FAM120A: variants seen among roughly 807,000 people sequenced by gnomAD.
FAM120A encodes family with sequence similarity 120 member A, also known as constitutive coactivator of PPAR-gamma-like protein 1.
In FAM120A, 15 loss-of-function variants were observed where a neutral mutation model predicts 109.7. The ratio of observed to expected loss-of-function variants is 0.14; its 90% CI spans 0.09 to 0.21. The LOEUF (loss-of-function observed/expected upper bound fraction) is 0.21. FAM120A is among the 10% of genes least tolerant of loss of function. FAM120A has a pLI of 1.00. For missense variants in FAM120A, 899 were observed against 1,439.3 expected, an observed-to-expected ratio of 0.62 and a Z score of 6.07; for synonymous variants, 493 against 572.8, an observed-to-expected ratio of 0.86 and a Z score of 1.99.
chr9:93,484,635 A>G (rs369963910), intron 3 of FAM120A, among the ~76,000 whole-genome samples: 1 of 152,028 alleles, frequency 6.6e-6, no homozygotes, highest in African/African-American at 2.4e-5. Flanking sequence ...GTGCAGTGGC[A>G]TGATCTTGGC....
chr9:93,551,060 T>C (rs955534783), intron 12 of FAM120A, among the ~76,000 whole-genome samples: 4 of 152,198 alleles, frequency 2.6e-5, no homozygotes, highest in South Asian at 2.1e-4. Context: ...TTTTCTAACA[T>C]CTAGCAAGGA....
Position 93,558,667 on chromosome 9 carries a change from T to A in FAM120A, c.2755T>A (p.Cys919Ser), listed in dbSNP as rs767908512. Residue 919 changes from cysteine to serine, a missense_variant, in exon 15 of 18, where the codon TGC becomes AGC. Cys to Ser is a moderately radical substitution (Grantham distance 112). Coordinates refer to ENST00000277165, the MANE Select transcript of FAM120A (RefSeq NM_014612.5). ...CCGTGTGGCGGCAGCATCGGGACAC[T>A]GCGGAGCCTTCTCAGGCAGTGACAG... The part of the protein sequence containing the change: ...AFRVAAASGH[C>S]GAFSGSDSSR... 1 of 1,614,148 alleles carries A rather than the reference T, an allele frequency of 6.2e-7. No homozygotes were observed. Among genetic ancestry groups the A allele is most frequent in the Admixed American group, 1.7e-5 (1 of 60,032 alleles).
intron 9 of FAM120A, among the ~76,000 whole-genome samples, chr9:93,531,836 A>G (rs530201033): frequency 1.3e-5 from 2 of 152,168 alleles, no homozygotes; most frequent in African/African-American, 4.8e-5. Context: ...AGTCTTTTCT[A>G]TTCTGTTTCT....
At chr9:93,517,631 T>C (rs1177645006) in intron 7 of FAM120A, among the ~76,000 whole-genome samples, 1 of 152,198 alleles carries the variant, frequency 6.6e-6, no homozygotes, top group Non-Finnish European at 1.5e-5. Context: ...CTGTGAAACA[T>C]AGGTAAGAAG....
At position 93,452,484 on chromosome 9, in the gene FAM120A, G is replaced by T; in HGVS notation, c.474+95G>T. 6.5e-7 allele frequency: 1 copy of T among 1,543,576 alleles called. No individual in the cohort carries two copies. Among genetic ancestry groups the T allele is most frequent in the Non-Finnish European group, 8.7e-7 (1 of 1,149,106 alleles). On this transcript the variant is annotated intron_variant, in intron 1 of 17. Transcript: ENST00000277165. This position sits in a 1 kb window ranked among gnomAD's most constrained non-coding sequence, Gnocchi z 7.0. ...CAGAATGTCGCCCGGCCGTGGCGGC[G>T]CTGGGGGCAGCGAGTTCCCCCAGCC... is the stretch of plus-strand genomic sequence containing the variant.
Position 93,512,831 on chromosome 9 carries a change from G to A in FAM120A, c.1031-2836G>A, listed in dbSNP as rs367620987. Among the ~76,000 whole-genome samples the A allele has an allele frequency of 6.0e-4, 92 of 152,124 alleles. 1 individual carries two copies. Among genetic ancestry groups the A allele is most frequent in the African/African-American group, 1.5e-3 (64 of 41,532 alleles). On this transcript the variant is annotated intron_variant, in intron 5 of 17. Transcript: ENST00000277165. ...ATTGGACTGCTTTAATAGAATAGTG[G>A]CTTGCTCTGTGGATTCACAGAGGAT... is the stretch of plus-strand genomic sequence containing the variant.
intron 1 of FAM120A, among the ~76,000 whole-genome samples, chr9:93,467,592 C>G (rs549769091): frequency 6.6e-6 from 1 of 152,180 alleles, no homozygotes; most frequent in African/African-American, 2.4e-5. Flanking sequence ...TGGGAGTGGT[C>G]CTACCTTTGC....
chr9:93,491,141 C>T (rs577052878), intron 3 of FAM120A, among the ~76,000 whole-genome samples: 4 of 152,320 alleles, frequency 2.6e-5, no homozygotes, highest in Admixed American at 2.0e-4. Context: ...AGCCAGTGCT[C>T]CCAGCACCAC....
intron 8 of FAM120A, among the ~76,000 whole-genome samples, chr9:93,528,153 A>G (rs995748795): frequency 1.3e-5 from 2 of 152,244 alleles, no homozygotes; most frequent in African/African-American, 4.8e-5. Context: ...CTTTGTGGAT[A>G]CATATTATTT....
chr9:93,457,264 T>C (rs767631038), intron 1 of FAM120A, among the ~76,000 whole-genome samples: 3 of 152,282 alleles, frequency 2.0e-5, no homozygotes, highest in Non-Finnish European at 4.4e-5. Context: ...TACTCAGAAG[T>C]AGGATTGCTG....
rs376144214 is a variant in FAM120A at position 93,473,549 on chromosome 9, C to T, written c.721+2162C>T. ...CGGTCTCCAACTCCTGAGCTCAGGG[C>T]GATCCACCTGCCTGAGCCTCCCAAA... On this transcript the variant is annotated intron_variant, in intron 2 of 17. Transcript: ENST00000277165. Among the ~76,000 whole-genome samples, 112 of 152,210 alleles carry T rather than the reference C, an allele frequency of 7.4e-4. 4 individuals carry two copies. In the South Asian group the frequency reaches 0.021, roughly 29 times the overall value.
At position 93,451,927 on chromosome 9, in the gene FAM120A, G is replaced by C. The variant is rs1395604305; in HGVS notation, c.12G>C (p.Gln4His). 25 of 1,471,090 alleles carry C rather than the reference G, an allele frequency of 1.7e-5. No homozygotes were observed. Among genetic ancestry groups the C allele is most frequent in the African/African-American group, 3.0e-5 (2 of 67,146 alleles). 91.1% of individuals were successfully genotyped at this position (1,471,090 alleles called of 1,614,324 possible). A position where few individuals can be genotyped will look rare whatever the true frequency, so the allele number is the denominator to read the frequency against. MGV[Q>H]GFQDYIEKHC... is the part of the protein sequence containing the mutation. ...CCCCCGCCGCCGCCATGGGCGTGCA[G>C]GGCTTCCAGGACTACATCGAGAAGC... The change falls in exon 1 of 18, where the codon CAG (glutamine) becomes CAC (histidine). Residue 4 changes from glutamine to histidine, a missense_variant. Around this residue, in one of 11 missense-constraint regions of FAM120A, gnomAD observed 258 missense variants for 451.4 expected, o/e 0.57. Transcript: ENST00000277165.
Position 93,498,931 on chromosome 9 carries a change from C to T in FAM120A, c.1030+45C>T. On this transcript the variant is annotated intron_variant, in intron 5 of 17. Coordinates refer to ENST00000277165, the MANE Select transcript of FAM120A (RefSeq NM_014612.5). This position sits in a 1 kb window ranked among gnomAD's most constrained non-coding sequence, Gnocchi z 4.4. ...TGATCAATATTGACCATATGATAAT[C>T]CAAGTAGGTTTAAATATTCACCATA... is the stretch of plus-strand genomic sequence containing the variant. The T allele has an allele frequency of 1.8e-6, 2 of 1,116,202 alleles. No individual in the cohort carries two copies. The highest frequency in any genetic ancestry group is 2.7e-6 in the Non-Finnish European group (2 of 731,076). 69.1% of individuals were successfully genotyped at this position (1,116,202 alleles called of 1,614,324 possible).
At chr9:93,552,419 C>T (rs1356939296) in intron 12 of FAM120A, among the ~76,000 whole-genome samples, 1 of 152,122 alleles carries the variant, frequency 6.6e-6, no homozygotes, top group Non-Finnish European at 1.5e-5. Context: ...TCTGACTCAT[C>T]GATCCTCTGG....
At chr9:93,469,868 C>G (rs925952829) in intron 1 of FAM120A, among the ~76,000 whole-genome samples, 5 of 152,190 alleles carry the variant, frequency 3.3e-5, no homozygotes, top group East Asian at 3.9e-4. Flanking sequence ...AGCTAACCTT[C>G]CAACAAAATG....
intron 3 of FAM120A, among the ~76,000 whole-genome samples, chr9:93,485,777 C>A (rs561775737): frequency 6.6e-6 from 1 of 152,218 alleles, no homozygotes; most frequent in Admixed American, 6.5e-5. Flanking sequence ...ATGTCCGCTT[C>A]GGCAGTCACT....
At chr9:93,523,973 A>G (rs1860956797) in intron 7 of FAM120A, among the ~76,000 whole-genome samples, 1 of 152,216 alleles carries the variant, frequency 6.6e-6, no homozygotes, top group Non-Finnish European at 1.5e-5. Context: ...TGGCAGGGCC[A>G]GGCCGTGCAG....
At chr9:93,534,990 T>G (rs1167116921) in intron 10 of FAM120A, among the ~76,000 whole-genome samples, 1 of 152,216 alleles carries the variant, frequency 6.6e-6, no homozygotes, top group Admixed American at 6.5e-5. Flanking sequence ...GTTTAGTACT[T>G]CTTTGCCAAT....
chr9:93,551,459 T>C (rs780830211), intron 12 of FAM120A, among the ~76,000 whole-genome samples: 4 of 152,216 alleles, frequency 2.6e-5, no homozygotes, highest in Non-Finnish European at 4.4e-5. Flanking sequence ...ATCAGCCTTT[T>C]CTTTTCAATG....
Sources: allele counts gnomAD v4.1 joint callset (sites outside exome capture counted in the v4.1 genomes callset), GRCh38; gene constraint gnomAD v4.1.1; regional missense constraint gnomAD v4.1.1; non-coding constraint Gnocchi (gnomAD v3.1); transcripts MANE v1.5; gene names NCBI Gene and HGNC (gene_info 2026-07-23, HGNC 2026-07-21).